Variants in CSNK2B observed in about 807,000 individuals in gnomAD.
CSNK2B encodes casein kinase 2 beta.
Under a neutral mutation model 28.8 loss-of-function variants are expected in CSNK2B, and 2 were observed. That is an observed-to-expected ratio of 0.07 (90% confidence interval 0.03 to 0.22). The LOEUF is 0.22. Among genes scored for constraint, CSNK2B ranks in the 10% least tolerant of loss-of-function variants. The pLI is 1.00. For synonymous variants in CSNK2B, 89 were observed against 96.1 expected, an observed-to-expected ratio of 0.93 and a Z score of 0.43; for missense variants, 107 against 277.9, an observed-to-expected ratio of 0.39 and a Z score of 4.37.
At position 31,669,606 on chromosome 6, in the gene CSNK2B, C is replaced by G; in HGVS notation, c.557+98C>G. The G allele has an allele frequency of 7.4e-7, 1 of 1,354,564 alleles. No homozygotes were observed. The highest frequency in any genetic ancestry group is 1.0e-6 in the Non-Finnish European group (1 of 991,296). The allele number at this position is 1,354,564 out of a possible 1,614,324, so 83.9% of individuals were successfully genotyped here. ...TGGCCCTTTCTTGAGGTCTGCTTCT[C>G]CCAGAATCAGGGCATCTCCCTGCTG... On this transcript the variant is annotated intron_variant, in intron 6 of 6. Transcript: ENST00000375882. This position sits in a 1 kb window ranked among gnomAD's most constrained non-coding sequence, Gnocchi z 4.8.
rs905931302 is a variant in CSNK2B at position 31,667,945 on chromosome 6, A to G, written c.150A>G (p.Leu50=). 1.2e-6 allele frequency: 2 copies of G among 1,603,526 alleles called. No homozygotes were observed. Among genetic ancestry groups the G allele is most frequent in the Non-Finnish European group, 1.7e-6 (2 of 1,176,674 alleles). Residue 50 remains leucine, a synonymous_variant, in exon 3 of 7, where the codon CTA becomes CTG. Coordinates refer to ENST00000375882, the MANE Select transcript of CSNK2B (RefSeq NM_001320.7). ...AGGTCCCTCACTATCGACAAGCTCTAGACATGATCTTGGACCTGGAGCCTG... is the reference window on the plus strand; with the variant it reads ...AGGTCCCTCACTATCGACAAGCTCTGGACATGATCTTGGACCTGGAGCCTG... The part of the protein sequence containing the change: ...NEQVPHYRQA[L]DMILDLEPDE...
In CSNK2B at chr6:31,669,721, T is replaced by C. The variant is rs747071074; in HGVS notation, c.558-115T>C. Reference sequence around the variant, plus strand: ...GCTGAGAAGTTGGGAACCACGAGGCTTTAGCTCTGAGCAGGTCCATAGAGG... The same window carrying C: ...GCTGAGAAGTTGGGAACCACGAGGCCTTAGCTCTGAGCAGGTCCATAGAGG... On this transcript the variant is annotated intron_variant, in intron 6 of 6. Coordinates refer to ENST00000375882, the MANE Select transcript of CSNK2B (RefSeq NM_001320.7). This position sits in a 1 kb window ranked among gnomAD's most constrained non-coding sequence, Gnocchi z 4.8. 1.0e-4 allele frequency: 112 copies of C among 1,077,104 alleles called. No homozygotes were observed. Among genetic ancestry groups the C allele is most frequent in the Non-Finnish European group, 1.4e-4 (104 of 746,790 alleles). The allele number at this position is 1,077,104 out of a possible 1,614,324, so 66.7% of individuals were successfully genotyped here.
Position 31,669,554 on chromosome 6 carries a change from A to G in CSNK2B, c.557+46A>G. The G allele has an allele frequency of 2.5e-6, 4 of 1,577,390 alleles. No individual in the cohort carries two copies. Among genetic ancestry groups the G allele is most frequent in the Non-Finnish European group, 3.4e-6 (4 of 1,165,500 alleles). ...TTAAGGGTCAAAGGAAAGGCCCAAG[A>G]TCCCCCAGAGAGGGGAGGACAGGGC... On this transcript the variant is annotated intron_variant, in intron 6 of 6. Coordinates refer to ENST00000375882, the MANE Select transcript of CSNK2B (RefSeq NM_001320.7). This position sits in a 1 kb window ranked among gnomAD's most constrained non-coding sequence, Gnocchi z 4.8.
chr6:31,669,662 G>C lies in CSNK2B; in HGVS notation c.557+154G>C, dbSNP rs559023378. On this transcript the variant is annotated intron_variant, in intron 6 of 6. Transcript: ENST00000375882. This position sits in a 1 kb window ranked among gnomAD's most constrained non-coding sequence, Gnocchi z 4.8. ...CTGTGGGAAAGTTATTTGATTATCTGTGCTTGAGTTACCTTATTGTAGAAT... is the reference window on the plus strand; with the variant it reads ...CTGTGGGAAAGTTATTTGATTATCTCTGCTTGAGTTACCTTATTGTAGAAT... 6.6e-6 allele frequency among the ~76,000 whole-genome samples: 1 copy of C among 152,368 alleles called. No individual in the cohort carries two copies. The highest frequency in any genetic ancestry group is 2.1e-4 in the South Asian group (1 of 4,826).
At chr6:31,667,224 C>G (rs1351226886) in intron 2 of CSNK2B, 5 of 515,528 alleles carry the variant, frequency 9.7e-6, no homozygotes, top group Non-Finnish European at 1.5e-5. Flanking sequence ...CTCTGCCTCC[C>G]AGGTTCAAGC....
At chr6:31,666,731 C>A in intron 1 of CSNK2B, 90 bp from the exon 2 acceptor site, 2 of 1,020,992 alleles carry the variant, frequency 2.0e-6, no homozygotes, top group Non-Finnish European at 2.9e-6. Context: ...CCGAATTCTC[C>A]CGTGGTTGGA....
intron 4 of CSNK2B, 92 bp downstream of exon 4, chr6:31,668,746 A>G: frequency 8.3e-7 from 1 of 1,200,988 alleles, no homozygotes; most frequent in Non-Finnish European, 1.2e-6. Context: ...CTGTTTAAGG[A>G]AGCTAGCTGA....
chr6:31,667,441 T>A, intron 2 of CSNK2B: 1 of 331,630 alleles, frequency 3.0e-6, no homozygotes. Context: ...CTGTATCTTT[T>A]GTTACTAAAG....
chr6:31,668,624 C>T lies in CSNK2B; in HGVS notation c.261C>T (p.Tyr87=), dbSNP rs1801962082. 4.3e-6 allele frequency: 7 copies of T among 1,613,124 alleles called. No homozygotes were observed. Among genetic ancestry groups the T allele is most frequent in the Non-Finnish European group, 5.9e-6 (7 of 1,180,034 alleles). Residue 87 remains tyrosine (Y), a synonymous_variant, in exon 4 of 7, where the codon TAC becomes TAT. Coordinates refer to ENST00000375882, the MANE Select transcript of CSNK2B (RefSeq NM_001320.7). ...EMLYGLIHAR[Y]ILTNRGIAQM... ...TTTATGGATTGATCCACGCCCGCTA[C>T]ATCCTTACCAACCGTGGCATCGCCC...
At chr6:31,666,549 TC>T in intron 1 of CSNK2B, 1 of 519,294 alleles carries the variant, frequency 1.9e-6, no homozygotes. Context: ...GCCCTGGCCT[TC>T]GGGAGCTCCA....
rs987886261 is a variant in CSNK2B, at chr6:31,666,112, C to A, written c.-108C>A. ...ACTCCCCCCACCCCACTTCGCCTGC[C>A]GCGGTCGGGTCCGCGGCCTGCGCTG... On this transcript the variant is annotated 5_prime_UTR_variant, in exon 1 of 7. Transcript: ENST00000375882. 4.0e-6 allele frequency: 4 copies of A among 993,400 alleles called. No homozygotes were observed. The highest frequency in any genetic ancestry group is 4.8e-6 in the Non-Finnish European group (4 of 833,362). 61.5% of individuals were successfully genotyped at this position (993,400 alleles called of 1,614,324 possible). A position where few individuals can be genotyped will look rare whatever the true frequency, so the allele number is the denominator to read the frequency against.
Position 31,669,934 on chromosome 6 carries a change from C to G in CSNK2B, c.*8C>G. ...GTCAAGACGATTCGCTGATTCCCTC[C>G]CCCACCTGTCCTGCAGTCTTTGACT... On this transcript the variant is annotated 3_prime_UTR_variant, in exon 7 of 7. Coordinates refer to ENST00000375882, the MANE Select transcript of CSNK2B (RefSeq NM_001320.7). The surrounding 1 kb of genome is among the most constrained non-coding windows in gnomAD (Gnocchi z 4.8). 2 of 1,610,884 alleles carry G rather than the reference C, an allele frequency of 1.2e-6. No individual in the cohort carries two copies. Among genetic ancestry groups the G allele is most frequent in the Non-Finnish European group, 1.7e-6 (2 of 1,178,882 alleles).
rs1802060913 is a variant in CSNK2B at position 31,669,920 on chromosome 6, T to G, written c.642T>G (p.Ile214Met). ...ACTTCAAGAGCCCAGTCAAGACGAT[T>G]CGCTGATTCCCTCCCCCACCTGTCC... ...ASNFKSPVKT[I>M]R The change falls in exon 7 of 7, where the codon ATT becomes ATG. Residue 214 changes from isoleucine (I) to methionine (M), a missense_variant. Transcript: ENST00000375882. This position sits in a 1 kb window ranked among gnomAD's most constrained non-coding sequence, Gnocchi z 4.8. The G allele has an allele frequency of 1.2e-6, 2 of 1,612,604 alleles. No homozygotes were observed. Among genetic ancestry groups the G allele is most frequent in the South Asian group, 2.2e-5 (2 of 91,028 alleles).
Position 31,666,181 on chromosome 6 carries a change from C to CCCT in CSNK2B, c.-39_-38insCCT, listed in dbSNP as rs1801674654. Reference sequence around the variant, plus strand: ...CCTGGAAGTAGCAACTTCCCTACCCCACCCCAGTCCTGGTCCCCGTCCAGC... The same window carrying CCCT: ...CCTGGAAGTAGCAACTTCCCTACCCCCCTACCCCAGTCCTGGTCCCCGTCCAGC... On this transcript the variant is annotated 5_prime_UTR_variant, in exon 1 of 7. Coordinates refer to ENST00000375882, the MANE Select transcript of CSNK2B (RefSeq NM_001320.7). The CCCT allele has an allele frequency of 5.0e-6, 5 of 992,538 alleles. No individual in the cohort carries two copies. In the South Asian group the frequency reaches 1.7e-4, roughly 35 times the overall value. 61.5% of individuals were successfully genotyped at this position (992,538 alleles called of 1,614,324 possible).
At chr6:31,668,418 A>G in intron 3 of CSNK2B, 121 bp from the exon 4 acceptor site, 1 of 769,390 alleles carries the variant, frequency 1.3e-6, no homozygotes, top group Non-Finnish European at 2.2e-6. Flanking sequence ...CAGATGTTGG[A>G]TGGGGTAAGG....
Position 31,666,913 on chromosome 6 carries a change from C to G in CSNK2B, c.72+10C>G. The G allele has an allele frequency of 1.2e-6, 2 of 1,609,846 alleles. No homozygotes were observed. Among genetic ancestry groups the G allele is most frequent in the South Asian group, 1.1e-5 (1 of 91,024 alleles). ...TGAATTCTTCTGTGAAGTGAGTTCT[C>G]TTCAACCTCCCTACTTGCCAGCTTC... On this transcript the variant is annotated intron_variant, in intron 2 of 6. Coordinates refer to ENST00000375882, the MANE Select transcript of CSNK2B (RefSeq NM_001320.7).
intron 2 of CSNK2B, chr6:31,667,200 C>A: frequency 1.8e-6 from 1 of 566,512 alleles, no homozygotes; most frequent in Non-Finnish European, 3.3e-6. Flanking sequence ...GGTGCGATCT[C>A]GGCTTACTGC....
In CSNK2B at chr6:31,669,778, C is replaced by G. The variant is rs1802051178; in HGVS notation, c.558-58C>G. The G allele has an allele frequency of 6.9e-7, 1 of 1,446,368 alleles. No individual in the cohort carries two copies. The highest frequency in any genetic ancestry group is 1.2e-5 in the South Asian group (1 of 80,522). The allele number at this position is 1,446,368 out of a possible 1,614,324, so 89.6% of individuals were successfully genotyped here. A position where few individuals can be genotyped will look rare whatever the true frequency, so the allele number is the denominator to read the frequency against. ...GGTGGGGAGGTGGGAATGCAGGTGA[C>G]TGGCAGGGCCTGGATGGGGCTCATG... On this transcript the variant is annotated intron_variant, in intron 6 of 6. Transcript: ENST00000375882. The surrounding 1 kb of genome is among the most constrained non-coding windows in gnomAD (Gnocchi z 4.8).
rs1473757641 is a variant in CSNK2B at position 31,666,165 on chromosome 6, A to T, written c.-55A>T. 1 of 990,616 alleles carries T rather than the reference A, an allele frequency of 1.0e-6. No homozygotes were observed. The highest frequency in any genetic ancestry group is 5.8e-5 in the Admixed American group (1 of 17,380). The allele number at this position is 990,616 out of a possible 1,614,324, so 61.4% of individuals were successfully genotyped here. On this transcript the variant is annotated 5_prime_UTR_variant, in exon 1 of 7. Coordinates refer to ENST00000375882, the MANE Select transcript of CSNK2B (RefSeq NM_001320.7). ...GCGGTCGCCGCCGTTCCCTGGAAGT[A>T]GCAACTTCCCTACCCCACCCCAGTC...
Sources: allele counts gnomAD v4.1 joint callset (sites outside exome capture counted in the v4.1 genomes callset), GRCh38; gene constraint gnomAD v4.1.1; non-coding constraint Gnocchi (gnomAD v3.1); transcripts MANE v1.5; gene names NCBI Gene and HGNC (gene_info 2026-07-23, HGNC 2026-07-21).